The following PARP4 variants were observed in gnomAD, a reference collection of about 807,000 sequenced individuals.
The protein encoded by PARP4 is protein mono-ADP-ribosyltransferase PARP4.
In PARP4, 120 loss-of-function variants were observed where a neutral mutation model predicts 187.7. The ratio of observed to expected loss-of-function variants is 0.64; its 90% CI spans 0.55 to 0.74. PARP4 has a LOEUF of 0.74. Ranked by LOEUF, PARP4 falls within the 30% of genes least tolerant of loss-of-function variation. The pLI is 0.00. For synonymous variants in PARP4, 654 were observed against 740.9 expected, an observed-to-expected ratio of 0.88 and a Z score of 1.90; for missense variants, 1,836 against 2,070.5, an observed-to-expected ratio of 0.89 and a Z score of 2.20.
intron 30 of PARP4, among the ~76,000 whole-genome samples, chr13:24,439,600 A>G (rs1188239613): frequency 1.3e-5 from 2 of 152,146 alleles, no homozygotes; most frequent in East Asian, 3.8e-4. Context: ...TCATTTTTAG[A>G]GTTTAGTGGC....
At chr13:24,440,128 C>G (rs1329094110) in intron 30 of PARP4, among the ~76,000 whole-genome samples, 6 of 152,182 alleles carry the variant, frequency 3.9e-5, no homozygotes, top group African/African-American at 1.4e-4. Flanking sequence ...GAAAGCAAGG[C>G]TGGGGACAGT....
At chr13:24,482,878 A>G (rs543632637) in intron 12 of PARP4, among the ~76,000 whole-genome samples, 1 of 152,340 alleles carries the variant, frequency 6.6e-6, no homozygotes, top group South Asian at 2.1e-4. Context: ...TCCATTTGAC[A>G]TGTGTAGCCA....
intron 30 of PARP4, among the ~76,000 whole-genome samples, chr13:24,437,221 A>C (rs1194074324): frequency 6.6e-6 from 1 of 152,182 alleles, no homozygotes; most frequent in Non-Finnish European, 1.5e-5. Flanking sequence ...AATTTCAATC[A>C]GATGAAAAAT....
At chr13:24,474,045 C>A (rs1014144645) in intron 15 of PARP4, among the ~76,000 whole-genome samples, 1 of 152,192 alleles carries the variant, frequency 6.6e-6, no homozygotes, top group African/African-American at 2.4e-5. Flanking sequence ...TATGTAGTCA[C>A]AAGACCTACG....
chr13:24,511,355 ACGTACATATGAG>A (rs1412289407), intron 1 of PARP4, among the ~76,000 whole-genome samples: 2 of 152,176 alleles, frequency 1.3e-5, no homozygotes, highest in Non-Finnish European at 2.9e-5. Flanking sequence ...AGCGCTGATT[ACGTACATATGAG>A]ATGTGGCGGA....
intron 17 of PARP4, among the ~76,000 whole-genome samples, chr13:24,466,487 C>G (rs1161584305): frequency 6.6e-6 from 1 of 152,064 alleles, no homozygotes; most frequent in Non-Finnish European, 1.5e-5. Context: ...GGCCAACAAT[C>G]AAAACTTTTT....
chr13:24,459,723 T>G (rs1230386880), intron 18 of PARP4, among the ~76,000 whole-genome samples: 1 of 152,188 alleles, frequency 6.6e-6, no homozygotes, highest in Non-Finnish European at 1.5e-5. Flanking sequence ...CATGATGAAC[T>G]TGCACTACAG....
intron 1 of PARP4, among the ~76,000 whole-genome samples, chr13:24,509,281 C>T (rs895599544): frequency 6.6e-6 from 1 of 152,076 alleles, no homozygotes; most frequent in African/African-American, 2.4e-5. Context: ...CCAAGTGGAG[C>T]AAATCGCTTG....
rs769619548 is a variant in PARP4, at chr13:24,460,070, T to C, written c.2200A>G (p.Ile734Val). 3.7e-6 allele frequency: 6 copies of C among 1,613,960 alleles called. No individual in the cohort carries two copies. The South Asian group carries it at 6.6e-5, about 18-fold the overall frequency. Residue 734 changes from isoleucine (I) to valine (V), a missense_variant, in exon 18 of 34, where the codon ATC becomes GTC. This residue lies in a region of PARP4 where 1,147 missense variants were observed against 1,214.2 expected (regional missense o/e 0.94). Coordinates refer to ENST00000381989, the MANE Select transcript of PARP4 (RefSeq NM_006437.4). ...KAKVLIKITY[I>V]TELSILGTVG... ...GTGCCCAGGATGCTGAGTTCTGTGA[T>C]GTAGGTAATTTTTATAAGAACCTTA...
At chr13:24,512,070 T>C (rs1306718932) in intron 1 of PARP4, among the ~76,000 whole-genome samples, 2 of 152,188 alleles carry the variant, frequency 1.3e-5, no homozygotes, top group South Asian at 2.1e-4. Flanking sequence ...CATATAATTG[T>C]TGTCATCCAG....
rs1439943922 is a variant in PARP4 at position 24,460,145 on chromosome 13, G to A, written c.2134-9C>T. On this transcript the variant is annotated splice_polypyrimidine_tract_variant and intron_variant, in intron 17 of 33. Transcript: ENST00000381989. The stretch of plus-strand genomic sequence containing the variant: ...CTTACAGTAAAAACGTCCTGAAACA[G>A]AAACATATGACTTAGCTTCCAACTT... The A allele has an allele frequency of 6.2e-7, 1 of 1,610,008 alleles. No individual in the cohort carries two copies. The highest frequency in any genetic ancestry group is 8.5e-7 in the Non-Finnish European group (1 of 1,177,786).
intron 1 of PARP4, 77 bp from the exon 2 acceptor site, chr13:24,503,854 C>A: frequency 7.6e-7 from 1 of 1,312,054 alleles, no homozygotes; most frequent in Non-Finnish European, 1.1e-6. Flanking sequence ...TACAAGCAAA[C>A]TGTGGGAAAA....
intron 6 of PARP4, among the ~76,000 whole-genome samples, chr13:24,495,489 G>C (rs1024500420): frequency 6.6e-6 from 1 of 152,198 alleles, no homozygotes; most frequent in South Asian, 2.1e-4. Flanking sequence ...AAAGTTATTA[G>C]GTCATGCACA....
intron 28 of PARP4, 66 bp downstream of exon 28, chr13:24,443,584 A>C (rs1292045410): frequency 1.2e-5 from 14 of 1,170,934 alleles, no homozygotes; most frequent in Non-Finnish European, 1.8e-5. Flanking sequence ...CCATTTCCAC[A>C]GATAAAATCA....
In PARP4 at chr13:24,435,440, C is replaced by T. The variant is rs1439830135; in HGVS notation, c.3701G>A (p.Arg1234His). 22 of 1,607,226 alleles carry T rather than the reference C, an allele frequency of 1.4e-5. No individual in the cohort carries two copies. Among genetic ancestry groups the T allele is most frequent in the Admixed American group, 6.8e-5 (4 of 59,252 alleles). ...TTTCCTATGTTTTCGTTTGGATAAA[C>T]GTAATTCTGGCCACTCAGAGGATGC... is the stretch of plus-strand genomic sequence containing the variant. ...LLASSEWPEL[R>H]LSKRKHRKIP... is the part of the protein sequence containing the mutation. Residue 1234 changes from arginine to histidine, a missense_variant, in exon 31 of 34, where the codon CGT becomes CAT. Physicochemically the swap from Arg to His is conservative, Grantham distance 29. Transcript: ENST00000381989.
At chr13:24,427,419 G>A (rs1870115375) in intron 32 of PARP4, among the ~76,000 whole-genome samples, 1 of 146,070 alleles carries the variant, frequency 6.8e-6, no homozygotes, top group Non-Finnish European at 1.5e-5. Flanking sequence ...TGTCATGCTG[G>A]AGTGCAGTGG....
At chr13:24,493,497 G>C (rs1164594563) in intron 8 of PARP4, 99 bp downstream of exon 8, 41 of 1,114,970 alleles carry the variant, frequency 3.7e-5, no homozygotes, top group Non-Finnish European at 5.1e-5. Context: ...ATGAATTCCA[G>C]AGCAGTCAGG....
intron 27 of PARP4, among the ~76,000 whole-genome samples, chr13:24,444,384 A>G (rs1871104884): frequency 6.6e-6 from 1 of 152,308 alleles, no homozygotes; most frequent in Non-Finnish European, 1.5e-5. Flanking sequence ...ACCCACAAAG[A>G]TCTAATTTTT....
rs1868796297 is a variant in PARP4, at chr13:24,493,776, G to A, written c.742-43C>T. On this transcript the variant is annotated intron_variant, in intron 7 of 33. Transcript: ENST00000381989. Reference sequence around the variant, plus strand: ...AAATGCCACCAAAAAGTCATCATGTGTGAGTTTGTGTAAAACTTACATGGG... The same window carrying A: ...AAATGCCACCAAAAAGTCATCATGTATGAGTTTGTGTAAAACTTACATGGG... 7.5e-6 allele frequency: 12 copies of A among 1,602,666 alleles called. No individual in the cohort carries two copies. The East Asian group carries it at 2.7e-4, about 36-fold the overall frequency.
Sources: allele counts gnomAD v4.1 joint callset (sites outside exome capture counted in the v4.1 genomes callset), GRCh38; gene constraint gnomAD v4.1.1; regional missense constraint gnomAD v4.1.1; transcripts MANE v1.5; gene names NCBI Gene and HGNC (gene_info 2026-07-23, HGNC 2026-07-21).